The following DENND1A variants were observed in gnomAD, a reference collection of about 807,000 sequenced individuals.
DENND1A encodes DENN domain-containing protein 1A.
In DENND1A, 51 loss-of-function variants were observed where a neutral mutation model predicts 113.7. The observed-to-expected ratio is 0.45, with a 90% CI of 0.36 to 0.57. The LOEUF is 0.57. DENND1A is among the 20% of genes least tolerant of loss of function. DENND1A has a pLI of 0.00. For synonymous variants in DENND1A, 565 were observed against 570.8 expected (o/e 0.99, Z 0.14); for missense variants, 1,258 against 1,395.9 (o/e 0.90, Z 1.57).
intron 11 of DENND1A, among the ~76,000 whole-genome samples, chr9:123,599,592 A>G (rs2059856909): frequency 6.6e-6 from 1 of 152,172 alleles, no homozygotes; most frequent in Admixed American, 6.5e-5. Context: ...ATATTAAGGC[A>G]CACACCCACA....
At chr9:123,651,912 T>C in intron 9 of DENND1A, 101 bp downstream of exon 9, 1 of 941,654 alleles carries the variant, frequency 1.1e-6, no homozygotes, top group Non-Finnish European at 1.6e-6. Flanking sequence ...ATAAGGGGAC[T>C]GTAGCTGACT....
At chr9:123,480,374 A>C (rs2050239035) in intron 13 of DENND1A, among the ~76,000 whole-genome samples, 1 of 152,124 alleles carries the variant, frequency 6.6e-6, no homozygotes, top group Non-Finnish European at 1.5e-5. Flanking sequence ...CAGCCCCCCA[A>C]GGCCCCTCCA....
At chr9:123,613,121 C>T (rs540647610) in intron 10 of DENND1A, among the ~76,000 whole-genome samples, 4 of 152,326 alleles carry the variant, frequency 2.6e-5, no homozygotes, top group Admixed American at 2.6e-4. Context: ...CTCCCAAGCA[C>T]ACTCTTGTCT....
At chr9:123,917,946 TA>T (rs1015886346) in intron 1 of DENND1A, among the ~76,000 whole-genome samples, 2 of 149,168 alleles carry the variant, frequency 1.3e-5, no homozygotes, top group African/African-American at 4.9e-5. Flanking sequence ...CCATCTCTAC[TA>T]AAAATACAAA....
intron 9 of DENND1A, among the ~76,000 whole-genome samples, chr9:123,631,132 A>G (rs531938248): frequency 5.2e-4 from 79 of 152,256 alleles, no homozygotes; most frequent in Middle Eastern, 3.4e-3. Context: ...TACATATCTC[A>G]TAAGTATGTT....
At chr9:123,728,498 A>ACAAAAAAC (rs1355301239) in intron 5 of DENND1A, among the ~76,000 whole-genome samples, 1 of 145,694 alleles carries the variant, frequency 6.9e-6, no homozygotes, top group African/African-American at 2.7e-5. Context: ...AAAAAAAAAA[A>ACAAAAAAC]AAAAAAAAAA....
chr9:123,436,751 C>CT (rs771312212), intron 19 of DENND1A, among the ~76,000 whole-genome samples: 199 of 145,674 alleles, frequency 1.4e-3, no homozygotes, highest in South Asian at 3.3e-3. Flanking sequence ...GACAAAATAT[C>CT]TTTTTTTTTT....
At position 123,601,919 on chromosome 9, in the gene DENND1A, C is replaced by T. The variant is rs116240236; in HGVS notation, c.765+7517G>A. 3.0e-3 allele frequency among the ~76,000 whole-genome samples: 454 copies of T among 152,308 alleles called. 3 individuals carry two copies. The highest frequency in any genetic ancestry group is 0.011 in the African/African-American group (438 of 41,578). On this transcript the variant is annotated intron_variant, in intron 11 of 23. Coordinates refer to ENST00000394215, the MANE Select transcript of DENND1A (RefSeq NM_001352964.2). Reference sequence around the variant, plus strand: ...GTAAGCCCTCCTTTCCCCTCCTCACCACAATCCCCAGCACACAGCACTGAG... The same window carrying T: ...GTAAGCCCTCCTTTCCCCTCCTCACTACAATCCCCAGCACACAGCACTGAG...
chr9:123,624,350 A>T (rs2061100431), intron 10 of DENND1A, among the ~76,000 whole-genome samples: 1 of 152,196 alleles, frequency 6.6e-6, no homozygotes, highest in Non-Finnish European at 1.5e-5. Flanking sequence ...ATTAGCATTG[A>T]CTCAAATTTC....
intron 11 of DENND1A, among the ~76,000 whole-genome samples, chr9:123,598,749 T>C (rs929822309): frequency 6.6e-6 from 1 of 152,200 alleles, no homozygotes; most frequent in Non-Finnish European, 1.5e-5. Flanking sequence ...CATATGTACT[T>C]ATCAAGCTTC....
Position 123,403,477 on chromosome 9 carries a change from C to T in DENND1A, c.1556G>A (p.Arg519His), listed in dbSNP as rs568026028. The change falls in exon 21 of 24, where the codon CGT (arginine) becomes CAT (histidine). Residue 519 changes from arginine to histidine, a missense_variant. Transcript: ENST00000394215. The part of the protein sequence containing the change: ...IQRSRPVRPP[R>H]PHVVKRPKSN... The stretch of plus-strand genomic sequence containing the variant: ...CTTTGGTCTCTTAACAACATGTGGA[C>T]GAGGTGGGCGCACCTAGAGGAGGTA... The T allele has an allele frequency of 4.3e-6, 7 of 1,613,908 alleles. No homozygotes were observed. Among genetic ancestry groups the T allele is most frequent in the African/African-American group, 1.3e-5 (1 of 74,968 alleles).
rs1371438453 is a variant in DENND1A at position 123,588,276 on chromosome 9, T to G, written c.766-5006A>C. ...CCAGCTTGGACAATAAGAGTGAAACTCTGTCTCAAAAAAAAAAAAAAAAAA... is the reference window on the plus strand; with the variant it reads ...CCAGCTTGGACAATAAGAGTGAAACGCTGTCTCAAAAAAAAAAAAAAAAAA... On this transcript the variant is annotated intron_variant, in intron 11 of 23. Coordinates refer to ENST00000394215, the MANE Select transcript of DENND1A (RefSeq NM_001352964.2). Among the ~76,000 whole-genome samples, 3 of 103,616 alleles carry G rather than the reference T, an allele frequency of 2.9e-5. No homozygotes were observed. The Admixed American group carries it at 3.5e-4, about 12-fold the overall frequency. 68.0% of individuals were successfully genotyped at this position (103,616 alleles called of 152,430 possible).
In DENND1A at chr9:123,566,183, G is replaced by T. The variant is rs557383355; in HGVS notation, c.868-8488C>A. On this transcript the variant is annotated intron_variant, in intron 12 of 23. Coordinates refer to ENST00000394215, the MANE Select transcript of DENND1A (RefSeq NM_001352964.2). ...CAGGGTTTCTTAGACCACCAAATTA[G>T]ATATGTCCATGATACTGGTTTATTT... Among the ~76,000 whole-genome samples, 36 of 152,322 alleles carry T rather than the reference G, an allele frequency of 2.4e-4. 1 individual carries two copies. The highest frequency in any genetic ancestry group is 8.4e-4 in the African/African-American group (35 of 41,556).
At chr9:123,485,104 C>G (rs1455348013) in intron 13 of DENND1A, among the ~76,000 whole-genome samples, 2 of 152,230 alleles carry the variant, frequency 1.3e-5, no homozygotes, top group Non-Finnish European at 2.9e-5. Flanking sequence ...TGCACTTCTG[C>G]TGCCTCAGGA....
chr9:123,390,049 G>C (rs994520827), intron 21 of DENND1A, among the ~76,000 whole-genome samples: 4 of 152,220 alleles, frequency 2.6e-5, no homozygotes, highest in Non-Finnish European at 5.9e-5. Context: ...CTGCTCTGCC[G>C]TCTTGAAGAC....
rs543433479 is a variant in DENND1A at position 123,889,989 on chromosome 9, A to T, written c.18-10968T>A. On this transcript the variant is annotated intron_variant, in intron 1 of 23. Coordinates refer to ENST00000394215, the MANE Select transcript of DENND1A (RefSeq NM_001352964.2). The stretch of plus-strand genomic sequence containing the variant: ...ACTCCATCTTCGGGAAAAAAAAAAA[A>T]TTCAAAAGAGTCCATGGATGTGCAA... 2.6e-5 allele frequency among the ~76,000 whole-genome samples: 4 copies of T among 152,270 alleles called. No individual in the cohort carries two copies. In the South Asian group the frequency reaches 8.3e-4, roughly 32 times the overall value.
At chr9:123,464,639 T>C (rs1182450171) in intron 13 of DENND1A, among the ~76,000 whole-genome samples, 1 of 152,212 alleles carries the variant, frequency 6.6e-6, no homozygotes, top group African/African-American at 2.4e-5. Context: ...ACAAAAAAAC[T>C]TCTGGAGATG....
At chr9:123,642,118 A>C (rs1439541737) in intron 9 of DENND1A, among the ~76,000 whole-genome samples, 1 of 152,268 alleles carries the variant, frequency 6.6e-6, no homozygotes, top group African/African-American at 2.4e-5. Context: ...TCTGTATTAC[A>C]GAGTCTCTAT....
intron 19 of DENND1A, among the ~76,000 whole-genome samples, chr9:123,417,346 C>T (rs1400187692): frequency 2.0e-5 from 3 of 152,184 alleles, no homozygotes; most frequent in Non-Finnish European, 4.4e-5. Flanking sequence ...ATAATAATCT[C>T]TTCTATTTAT....
Sources: gnomAD v4.1 joint callset for allele counts (sites outside exome capture counted in the v4.1 genomes callset) on GRCh38, gnomAD v4.1.1 for gene constraint, MANE v1.5 for transcripts, NCBI Gene and HGNC (gene_info 2026-07-23, HGNC 2026-07-21) for gene names.